The following STPG2 variants were observed in gnomAD, a reference collection of about 807,000 sequenced individuals.
The protein encoded by STPG2 is sperm tail PG-rich repeat containing 2, also known as sperm-tail PG-rich repeat-containing protein 2.
STPG2 carries 56 observed loss-of-function variants against 54.2 expected under a neutral mutation model. That is an observed-to-expected ratio of 1.03 (90% CI 0.83 to 1.29). STPG2 has a LOEUF of 1.29. Among genes scored for constraint, STPG2 ranks in the 50% most tolerant of loss-of-function variants. The pLI is 0.00. For missense variants in STPG2, 596 were observed against 544.9 expected (o/e 1.09, Z -0.93); for synonymous variants, 200 against 181.8 (o/e 1.10, Z -0.81).
chr4:97,949,096 G>A (rs890173891), intron 7 of STPG2, among the ~76,000 whole-genome samples: 1 of 151,944 alleles, frequency 6.6e-6, no homozygotes, highest in African/African-American at 2.4e-5. Flanking sequence ...GAGCTCCAGG[G>A]ATAAGTGCTT....
At chr4:97,965,038 T>C (rs980448997) in intron 7 of STPG2, among the ~76,000 whole-genome samples, 14 of 152,172 alleles carry the variant, frequency 9.2e-5, no homozygotes, top group Non-Finnish European at 1.9e-4. Context: ...GGACAGGGCA[T>C]CACCTCACCC....
intron 6 of STPG2, among the ~76,000 whole-genome samples, chr4:97,977,894 G>C (rs1390310362): frequency 6.6e-6 from 1 of 152,210 alleles, no homozygotes; most frequent in Non-Finnish European, 1.5e-5. Flanking sequence ...GTGATGACTT[G>C]AAAGACAGCG....
intron 9 of STPG2, among the ~76,000 whole-genome samples, chr4:97,741,076 G>A (rs1725213977): frequency 6.6e-6 from 1 of 152,056 alleles, no homozygotes; most frequent in Admixed American, 6.5e-5. Context: ...ACAACTATCT[G>A]ATCTTTGACA....
At chr4:97,617,262 G>GA (rs971540949) in intron 10 of STPG2, among the ~76,000 whole-genome samples, 4 of 151,580 alleles carry the variant, frequency 2.6e-5, no homozygotes, top group African/African-American at 9.7e-5. Flanking sequence ...ATAACAAGCA[G>GA]AAAAAAGTGT....
At chr4:97,744,480 T>A (rs1037852065) in intron 9 of STPG2, among the ~76,000 whole-genome samples, 1 of 151,212 alleles carries the variant, frequency 6.6e-6, no homozygotes, top group African/African-American at 2.4e-5. Context: ...GCAATATAAT[T>A]TTTTATTTTT....
At chr4:97,815,786 T>C (rs1007387627) in intron 9 of STPG2, among the ~76,000 whole-genome samples, 9 of 152,134 alleles carry the variant, frequency 5.9e-5, no homozygotes, top group African/African-American at 1.7e-4. Flanking sequence ...ATGGTTTAAG[T>C]AGATTCATAT....
At chr4:97,533,391 T>A (rs996697397) in intron 4 of STPG2, among the ~76,000 whole-genome samples, 3 of 152,214 alleles carry the variant, frequency 2.0e-5, no homozygotes, top group Admixed American at 2.0e-4. Flanking sequence ...CAAATTACAT[T>A]TTTTCTGTGT....
intron 4 of STPG2, among the ~76,000 whole-genome samples, chr4:97,443,375 C>T (rs996885652): frequency 2.0e-5 from 3 of 152,106 alleles, no homozygotes; most frequent in Non-Finnish European, 4.4e-5. Flanking sequence ...TAAGGGAATT[C>T]TGGCATCGTG....
chr4:97,789,700 T>C (rs926927226), intron 9 of STPG2, among the ~76,000 whole-genome samples: 2 of 152,298 alleles, frequency 1.3e-5, no homozygotes, highest in African/African-American at 4.8e-5. Context: ...TGAAAACTTT[T>C]ACAAACATTT....
intron 7 of STPG2, among the ~76,000 whole-genome samples, chr4:97,949,714 G>A (rs1334212397): frequency 2.0e-5 from 3 of 152,264 alleles, no homozygotes; most frequent in East Asian, 3.9e-4. Flanking sequence ...TAGGACCCCA[G>A]TCCCTTCTGG....
chr4:98,053,479 C>T (rs988772348), intron 5 of STPG2, among the ~76,000 whole-genome samples: 1 of 152,032 alleles, frequency 6.6e-6, no homozygotes, highest in African/African-American at 2.4e-5. Context: ...GAGCCATTAA[C>T]TATAGCTATA....
intron 9 of STPG2, among the ~76,000 whole-genome samples, chr4:97,799,640 T>G (rs1368472139): frequency 6.6e-6 from 1 of 152,206 alleles, no homozygotes; most frequent in East Asian, 1.9e-4. Context: ...TCAACTTTGG[T>G]GAAACTGACA....
At chr4:97,483,697 T>C (rs1178964563) in intron 4 of STPG2, among the ~76,000 whole-genome samples, 1 of 151,696 alleles carries the variant, frequency 6.6e-6, no homozygotes, top group Non-Finnish European at 1.5e-5. Context: ...AAACAATGGA[T>C]TTGAACTATA....
At chr4:97,697,375 G>C (rs563840559) in intron 10 of STPG2, among the ~76,000 whole-genome samples, 12 of 152,284 alleles carry the variant, frequency 7.9e-5, no homozygotes, top group African/African-American at 2.9e-4. Flanking sequence ...AGGCACCCCT[G>C]ACCTTAATGC....
intron 10 of STPG2, among the ~76,000 whole-genome samples, chr4:97,691,639 G>T (rs974893799): frequency 8.6e-5 from 13 of 152,012 alleles, no homozygotes; most frequent in African/African-American, 2.7e-4. Flanking sequence ...AAGTTCTATG[G>T]CCCTACCCAC....
At chr4:97,790,031 A>C (rs1042309761) in intron 9 of STPG2, among the ~76,000 whole-genome samples, 6 of 152,200 alleles carry the variant, frequency 3.9e-5, no homozygotes, top group Non-Finnish European at 8.8e-5. Flanking sequence ...TAAACAACAA[A>C]AAAAAATTTA....
chr4:97,926,973 C>G (rs1398223440), intron 8 of STPG2, among the ~76,000 whole-genome samples: 1 of 152,004 alleles, frequency 6.6e-6, no homozygotes, highest in African/African-American at 2.4e-5. Flanking sequence ...TACCATGGCC[C>G]TATCAGGTAC....
intron 8 of STPG2, among the ~76,000 whole-genome samples, chr4:97,906,066 T>C (rs943691960): frequency 2.0e-5 from 3 of 151,888 alleles, no homozygotes; most frequent in South Asian, 2.1e-4. Flanking sequence ...AAAAAAGTAA[T>C]GAATCCAGCA....
chr4:97,542,491 G>A (rs1731736962), intron 4 of STPG2, among the ~76,000 whole-genome samples: 1 of 152,190 alleles, frequency 6.6e-6, no homozygotes, highest in Non-Finnish European at 1.5e-5. Flanking sequence ...AGAGGATGTG[G>A]AGAAATAGGA....
Sources: gnomAD v4.1 joint callset for allele counts (sites outside exome capture counted in the v4.1 genomes callset) on GRCh38, gnomAD v4.1.1 for gene constraint, MANE v1.5 for transcripts, NCBI Gene and HGNC (gene_info 2026-07-23, HGNC 2026-07-21) for gene names.